The following ANO4 variants were observed in gnomAD, a reference collection of about 807,000 sequenced individuals.
ANO4 encodes anoctamin-4.
ANO4 carries 69 observed loss-of-function variants against 141.9 expected under a neutral mutation model. The ratio of observed to expected loss-of-function variants is 0.49; its 90% CI spans 0.40 to 0.59. The LOEUF (loss-of-function observed/expected upper bound fraction) is 0.59. ANO4 is among the 20% of genes least tolerant of loss of function. The pLI is 0.00. For synonymous variants in ANO4, 350 were observed against 394.3 expected (o/e 0.89, Z 1.33); for missense variants, 894 against 1,162.2 (o/e 0.77, Z 3.36).
intron 1 of ANO4, among the ~76,000 whole-genome samples, chr12:100,836,808 A>G (rs956216871): frequency 1.3e-5 from 2 of 152,124 alleles, no homozygotes; most frequent in African/African-American, 4.8e-5. Flanking sequence ...TGCTGGGCTG[A>G]GGGATTTGCA....
intron 1 of ANO4, among the ~76,000 whole-genome samples, chr12:100,846,032 T>G (rs910305951): frequency 6.6e-6 from 1 of 152,214 alleles, no homozygotes; most frequent in African/African-American, 2.4e-5. Flanking sequence ...CTGGGTGAAT[T>G]ATTTAGCTGC....
At chr12:100,925,867 A>G (rs1170657793) in intron 3 of ANO4, among the ~76,000 whole-genome samples, 1 of 151,260 alleles carries the variant, frequency 6.6e-6, no homozygotes, top group African/African-American at 2.4e-5. Flanking sequence ...ATATATATAT[A>G]TATGAGACCT....
intron 3 of ANO4, among the ~76,000 whole-genome samples, chr12:100,754,193 C>T (rs1233770149): frequency 6.6e-6 from 1 of 152,224 alleles, no homozygotes; most frequent in African/African-American, 2.4e-5. Flanking sequence ...ACACATAACT[C>T]ACAATGTAAT....
rs117699777 is a variant in ANO4 at position 100,927,321 on chromosome 12, C to A, written c.160+4991C>A. Among the ~76,000 whole-genome samples the A allele has an allele frequency of 4.7e-3, 719 of 152,216 alleles. 1 individual carries two copies. Among genetic ancestry groups the A allele is most frequent in the Middle Eastern group, 0.014 (4 of 294 alleles). On this transcript the variant is annotated intron_variant, in intron 3 of 27. Coordinates refer to ENST00000392977, the MANE Select transcript of ANO4 (RefSeq NM_001286615.2). Reference sequence around the variant, plus strand: ...ATTTAGTTTGATGCAATGATAACAACATTACAGTGCAATTCCTACTCTTGA... The same window carrying A: ...ATTTAGTTTGATGCAATGATAACAAAATTACAGTGCAATTCCTACTCTTGA...
At position 100,975,938 on chromosome 12, in the gene ANO4, AAAAAAAG is replaced by A. The variant is rs1321727742; in HGVS notation, c.602+1056_602+1062del. On this transcript the variant is annotated intron_variant, in intron 7 of 27. Coordinates refer to ENST00000392977, the MANE Select transcript of ANO4 (RefSeq NM_001286615.2). ...TCCTACCCTCTTTTCTGCCAAAAAA[AAAAAAAG>A]AAAAAAAAAACCCACCAGATGAAGA... Among the ~76,000 whole-genome samples, 55 of 119,464 alleles carry A rather than the reference AAAAAAAG, an allele frequency of 4.6e-4. 5 individuals carry two copies. Among genetic ancestry groups the A allele is most frequent in the Admixed American group, 6.8e-4 (7 of 10,334 alleles). 78.4% of individuals were successfully genotyped at this position (119,464 alleles called of 152,430 possible). A position where few individuals can be genotyped will look rare whatever the true frequency, so the allele number is the denominator to read the frequency against.
intron 26 of ANO4, among the ~76,000 whole-genome samples, chr12:101,126,304 A>T (rs1356274983): frequency 6.6e-6 from 1 of 152,184 alleles, no homozygotes; most frequent in Non-Finnish European, 1.5e-5. Context: ...CAGAAGTGAC[A>T]GTGACTCTAG....
chr12:100,954,126 C>A (rs2043083816), intron 5 of ANO4, among the ~76,000 whole-genome samples: 1 of 152,188 alleles, frequency 6.6e-6, no homozygotes, highest in African/African-American at 2.4e-5. Context: ...CTTTAAAATT[C>A]TTCCCTAGTA....
At chr12:100,864,509 G>A (rs552270563) in intron 1 of ANO4, among the ~76,000 whole-genome samples, 2 of 152,028 alleles carry the variant, frequency 1.3e-5, no homozygotes, top group Non-Finnish European at 2.9e-5. Context: ...TCTCACCCCC[G>A]CATTGATTGC....
intron 5 of ANO4, among the ~76,000 whole-genome samples, chr12:100,954,845 T>C (rs567349639): frequency 6.6e-6 from 1 of 152,330 alleles, no homozygotes; most frequent in South Asian, 2.1e-4. Context: ...TAGGCAACTG[T>C]CTTTTTTCAA....
upstream of ANO4, chr12:100,794,707 T>G (rs1425159290): frequency 6.6e-6 from 1 of 152,170 alleles, no homozygotes; most frequent in Non-Finnish European, 1.5e-5. Context: ...ATGCCTCCCC[T>G]GCACCTGGGG....
In ANO4 at chr12:100,876,353, G is replaced by T. The variant is rs554938889; in HGVS notation, c.-140-25293G>T. 2.2e-4 allele frequency among the ~76,000 whole-genome samples: 34 copies of T among 151,750 alleles called. 1 individual carries two copies. In the South Asian group the frequency reaches 4.6e-3, roughly 20 times the overall value. On this transcript the variant is annotated intron_variant, in intron 1 of 27. Transcript: ENST00000392977. Reference sequence around the variant, plus strand: ...GATGTCGACAAGAGCCATGTCCAAGGGTGGAGTGGGGGAGGATAAAAATCC... The same window carrying T: ...GATGTCGACAAGAGCCATGTCCAAGTGTGGAGTGGGGGAGGATAAAAATCC...
intron 9 of ANO4, among the ~76,000 whole-genome samples, chr12:101,023,639 C>T (rs2046621589): frequency 1.3e-5 from 2 of 152,122 alleles, no homozygotes; most frequent in African/African-American, 4.8e-5. Context: ...TGCTCTCCAG[C>T]CTGGGCAACA....
intron 22 of ANO4, among the ~76,000 whole-genome samples, chr12:101,104,122 C>A (rs1362635639): frequency 6.6e-6 from 1 of 151,744 alleles, no homozygotes; most frequent in Non-Finnish European, 1.5e-5. Flanking sequence ...GTGCTTTTCT[C>A]CCTTTTTTAA....
intron 3 of ANO4, among the ~76,000 whole-genome samples, chr12:100,759,782 A>C (rs192288535): frequency 1.8e-4 from 27 of 152,314 alleles, no homozygotes; most frequent in African/African-American, 6.3e-4. Context: ...GTCTATTGCT[A>C]ACCTGTTCTC....
chr12:100,944,623 C>T (rs2042648994), intron 5 of ANO4, among the ~76,000 whole-genome samples: 1 of 152,070 alleles, frequency 6.6e-6, no homozygotes, highest in South Asian at 2.1e-4. Flanking sequence ...AGTGACCTCT[C>T]CCGCTGCCTG....
At position 100,907,342 on chromosome 12, in the gene ANO4, T is replaced by C. The variant is rs535280473; in HGVS notation, c.55+5502T>C. On this transcript the variant is annotated intron_variant, in intron 2 of 27. Coordinates refer to ENST00000392977, the MANE Select transcript of ANO4 (RefSeq NM_001286615.2). ...CATCTTGGAATATCCCTTCCCCTAA[T>C]AAATGTCTACTAGCCCTTCTCATTC... is the stretch of plus-strand genomic sequence containing the variant. Among the ~76,000 whole-genome samples, 29 of 152,298 alleles carry C rather than the reference T, an allele frequency of 1.9e-4. No individual in the cohort carries two copies. The East Asian group carries it at 2.1e-3, about 11-fold the overall frequency.
At chr12:100,821,894 G>T (rs2036074966) in intron 1 of ANO4, among the ~76,000 whole-genome samples, 1 of 151,918 alleles carries the variant, frequency 6.6e-6, no homozygotes, top group African/African-American at 2.4e-5. Context: ...CCATAGTTAG[G>T]CATATTTTAA....
chr12:100,997,636 T>A (rs1463049511), intron 8 of ANO4, among the ~76,000 whole-genome samples: 1 of 152,036 alleles, frequency 6.6e-6, no homozygotes, highest in Non-Finnish European at 1.5e-5. Context: ...GGCCTATGTA[T>A]CTGTAATGGT....
chr12:100,961,544 G>A (rs1400028821), intron 5 of ANO4, among the ~76,000 whole-genome samples: 1 of 152,112 alleles, frequency 6.6e-6, no homozygotes, highest in African/African-American at 2.4e-5. Flanking sequence ...ACTTTATCAT[G>A]GCACTAGCCG....
Sources: allele counts gnomAD v4.1 joint callset (sites outside exome capture counted in the v4.1 genomes callset), GRCh38; gene constraint gnomAD v4.1.1; transcripts MANE v1.5; gene names NCBI Gene and HGNC (gene_info 2026-07-23, HGNC 2026-07-21).